CENPS: variants seen among roughly 807,000 people sequenced by gnomAD.
CENPS encodes centromere protein S.
CENPS carries 16 observed loss-of-function variants against 17.9 expected under a neutral mutation model. The observed-to-expected ratio is 0.90, with a 90% CI of 0.61 to 1.36. The LOEUF (loss-of-function observed/expected upper bound fraction) is 1.36, where lower values mean the gene tolerates loss of function less well. Ranked by LOEUF, CENPS falls within the 40% of genes most tolerant of loss-of-function variation. The pLI is 0.00. For missense variants in CENPS, 160 were observed against 158.6 expected (o/e 1.01, Z -0.05); for synonymous variants, 49 against 55.8 (o/e 0.88, Z 0.54).
chr1:10,433,202 T>C (rs957003532), intron 1 of CENPS, among the ~76,000 whole-genome samples: 2 of 152,096 alleles, frequency 1.3e-5, no homozygotes, highest in Non-Finnish European at 2.9e-5. Context: ...AGGCTCATCC[T>C]CCCCTCTCGG....
Position 10,434,284 on chromosome 1 carries a change from GTTTC to G in CENPS, c.175+323_175+326del, listed in dbSNP as rs541008802. Among the ~76,000 whole-genome samples the G allele has an allele frequency of 6.6e-5, 10 of 152,224 alleles. No individual in the cohort carries two copies. The South Asian group carries it at 1.2e-3, about 19-fold the overall frequency. ...TTATAACGTTTTTATATCACCCATA[GTTTC>G]TTTGACAGCTGAGCTTGTAGCATTG... On this transcript the variant is annotated intron_variant, in intron 2 of 4. Coordinates refer to ENST00000309048, the MANE Select transcript of CENPS (RefSeq NM_199294.3).
At chr1:10,434,814 C>T in intron 3 of CENPS, 124 bp downstream of exon 3, 1 of 1,325,696 alleles carries the variant, frequency 7.5e-7, no homozygotes, top group Non-Finnish European at 1.0e-6. Flanking sequence ...GGAGGCTTGT[C>T]TCTAATCATG....
chr1:10,442,266 T>G lies in CENPS; in HGVS notation c.278T>G (p.Leu93Arg), dbSNP rs777364388. ...KLLARRSNSL[L>R]KYITDKSEEI... Reference sequence around the variant, plus strand: ...TAAATACAGATTTTTTTTTTATAGCTAAAATACATCACAGACAAAAGTGAA... The same window carrying G: ...TAAATACAGATTTTTTTTTTATAGCGAAAATACATCACAGACAAAAGTGAA... Residue 93 changes from leucine (L) to arginine (R), a missense_variant and splice_region_variant, in exon 5 of 5, where the codon CTA becomes CGA. By Grantham distance (102) the Leu-to-Arg change is moderately radical. Transcript: ENST00000309048. 1 of 1,583,212 alleles carries G rather than the reference T, an allele frequency of 6.3e-7. No homozygotes were observed. The highest frequency in any genetic ancestry group is 1.2e-5 in the South Asian group (1 of 85,106).
chr1:10,435,712 T>C (rs369098411), intron 3 of CENPS, among the ~76,000 whole-genome samples: 68,382 of 142,130 alleles, frequency 0.48, 16,624 homozygotes, highest in South Asian at 0.56. Context: ...AATATATATA[T>C]ATATACACAC....
chr1:10,435,075 C>T (rs754121441), intron 3 of CENPS, among the ~76,000 whole-genome samples: 1 of 152,162 alleles, frequency 6.6e-6, no homozygotes, highest in Non-Finnish European at 1.5e-5. Context: ...GAGGGAGCTG[C>T]AGCGTGTCCA....
intron 2 of CENPS, 45 bp from the exon 3 acceptor site, chr1:10,434,612 A>G (rs1179451841): frequency 2.5e-6 from 4 of 1,601,152 alleles, no homozygotes; most frequent in South Asian, 1.1e-5. Context: ...TTCTGAAATT[A>G]GATGGGAGGG....
intron 1 of CENPS, chr1:10,431,011 G>A (rs1639884586): frequency 1.5e-6 from 2 of 1,309,002 alleles, no homozygotes; most frequent in Non-Finnish European, 2.0e-6. Flanking sequence ...CAGGGACGCG[G>A]TGCGGACCAG....
At chr1:10,431,298 C>T (rs749943614) in intron 1 of CENPS, 2 of 1,535,264 alleles carry the variant, frequency 1.3e-6, no homozygotes, top group Non-Finnish European at 1.7e-6. Flanking sequence ...GAATGAGCTC[C>T]AGACGCGGGA....
At chr1:10,436,887 C>A (rs643400) in intron 3 of CENPS, among the ~76,000 whole-genome samples, 73,000 of 151,292 alleles carry the variant, frequency 0.48, 17,661 homozygotes, top group South Asian at 0.58. Flanking sequence ...GAAGACTCAT[C>A]TTGTGTGAAT....
intron 4 of CENPS, 64 bp from the exon 5 acceptor site, chr1:10,442,201 G>T: frequency 1.3e-6 from 2 of 1,520,658 alleles, no homozygotes; most frequent in Non-Finnish European, 1.7e-6. Flanking sequence ...AGTTTCGTTT[G>T]TTTGTTTATT....
chr1:10,438,397 G>A (rs1252389596), intron 3 of CENPS, among the ~76,000 whole-genome samples: 1 of 152,074 alleles, frequency 6.6e-6, no homozygotes, highest in Non-Finnish European at 1.5e-5. Flanking sequence ...CACCCACCTC[G>A]GCCTCCCAAA....
intron 1 of CENPS, chr1:10,431,065 C>T (rs1639889216): frequency 2.9e-6 from 4 of 1,366,150 alleles, no homozygotes; most frequent in Non-Finnish European, 3.8e-6. Context: ...GAATCTCTGC[C>T]CCGCCAACTT....
intron 1 of CENPS, 107 bp from the exon 2 acceptor site, chr1:10,433,735 C>T (rs971319832): frequency 1.9e-6 from 3 of 1,549,668 alleles, no homozygotes; most frequent in African/African-American, 2.7e-5. Context: ...TGGAAAGCGC[C>T]AGAGGGATTG....
chr1:10,438,591 G>T (rs1435372218), intron 3 of CENPS, among the ~76,000 whole-genome samples: 1 of 152,174 alleles, frequency 6.6e-6, no homozygotes, highest in African/African-American at 2.4e-5. Context: ...GTTACAAAGC[G>T]TGTTATATGA....
chr1:10,439,011 T>G (rs1205756436), intron 3 of CENPS, among the ~76,000 whole-genome samples: 1 of 152,160 alleles, frequency 6.6e-6, no homozygotes, highest in Non-Finnish European at 1.5e-5. Context: ...CTCCCCTGTG[T>G]CCTGGTCCTT....
intron 2 of CENPS, 100 bp from the exon 3 acceptor site, chr1:10,434,557 A>T: frequency 1.3e-6 from 2 of 1,540,414 alleles, no homozygotes; most frequent in Non-Finnish European, 1.8e-6. Flanking sequence ...TATATTAGTC[A>T]AGTCACTGTA....
rs1197992361 is a variant in CENPS, at chr1:10,434,639, CTTTT to C, written c.176-13_176-10del. On this transcript the variant is annotated splice_polypyrimidine_tract_variant and intron_variant, in intron 2 of 4. Coordinates refer to ENST00000309048, the MANE Select transcript of CENPS (RefSeq NM_199294.3). Reference sequence around the variant, plus strand: ...ATGGGAGGGTGCCTAAAGTGTGTATCTTTTTTTTCTCTTTCAGAAAATTTTGCCA... The same window carrying C: ...ATGGGAGGGTGCCTAAAGTGTGTATCTTTTCTCTTTCAGAAAATTTTGCCA... 3 of 1,601,510 alleles carry C rather than the reference CTTTT, an allele frequency of 1.9e-6. No homozygotes were observed. The highest frequency in any genetic ancestry group is 3.6e-5 in the Admixed American group (2 of 55,540).
At chr1:10,441,846 C>T (rs1302529973) in intron 4 of CENPS, among the ~76,000 whole-genome samples, 1 of 150,196 alleles carries the variant, frequency 6.7e-6, no homozygotes, top group Non-Finnish European at 1.5e-5. Context: ...AGGATGGTCT[C>T]GATCTCCTGA....
intron 3 of CENPS, among the ~76,000 whole-genome samples, chr1:10,436,427 C>T (rs57842882): frequency 0.012 from 1,831 of 151,128 alleles, 35 homozygotes; most frequent in African/African-American, 0.042. Flanking sequence ...GGAGGCCGGG[C>T]GCCGTGGCTC....
Sources: allele counts gnomAD v4.1 joint callset (sites outside exome capture counted in the v4.1 genomes callset), GRCh38; gene constraint gnomAD v4.1.1; transcripts MANE v1.5; gene names NCBI Gene and HGNC (gene_info 2026-07-23, HGNC 2026-07-21).